FGF14: variants seen among roughly 807,000 people sequenced by gnomAD.
FGF14 encodes the protein fibroblast growth factor homologous factor 4.
Under a neutral mutation model 25.5 loss-of-function variants are expected in FGF14, and 5 were observed. The ratio of observed to expected loss-of-function variants is 0.20; its 90% CI spans 0.10 to 0.41. The LOEUF is 0.41. FGF14 is among the 10% of genes least tolerant of loss of function. The probability of loss-of-function intolerance (pLI) is 1.00; values close to 1 mark genes in which losing one functional copy is unlikely to be tolerated. For synonymous variants in FGF14, 138 were observed against 118.3 expected (o/e 1.17, Z -1.08); for missense variants, 222 against 320.1 (o/e 0.69, Z 2.34).
At chr13:102,200,879 G>A (rs2049592158) in intron 1 of FGF14, among the ~76,000 whole-genome samples, 1 of 151,934 alleles carries the variant, frequency 6.6e-6, no homozygotes, top group Non-Finnish European at 1.5e-5. Context: ...AAGGCGGGCG[G>A]ATCATGAGGT....
intron 1 of FGF14, among the ~76,000 whole-genome samples, chr13:102,109,911 C>T (rs945635390): frequency 7.9e-5 from 12 of 152,118 alleles, no homozygotes; most frequent in African/African-American, 2.9e-4. Flanking sequence ...TGAGCCACCA[C>T]AGCCAGATGG....
chr13:102,227,272 G>C (rs1417164639), intron 1 of FGF14, among the ~76,000 whole-genome samples: 2 of 151,958 alleles, frequency 1.3e-5, no homozygotes. Flanking sequence ...CTTTTTCTCA[G>C]TTTGGAATGT....
chr13:101,938,140 G>A (rs2035223365), intron 1 of FGF14, among the ~76,000 whole-genome samples: 1 of 152,212 alleles, frequency 6.6e-6, no homozygotes, highest in Non-Finnish European at 1.5e-5. Flanking sequence ...ATTGACATCA[G>A]TGGGGGTCGG....
chr13:102,402,331 T>A (rs2058716137), upstream of FGF14: 1 of 152,324 alleles, frequency 6.6e-6, no homozygotes, highest in Non-Finnish European at 1.5e-5. Context: ...ACAAATCCCC[T>A]TCCTCCTTCC....
At chr13:101,737,788 A>C (rs1427401294) in intron 3 of FGF14, among the ~76,000 whole-genome samples, 2 of 152,126 alleles carry the variant, frequency 1.3e-5, no homozygotes, top group Non-Finnish European at 2.9e-5. Context: ...AGATTTTTCT[A>C]CTTTTTTCTC....
intron 3 of FGF14, among the ~76,000 whole-genome samples, chr13:101,835,255 T>TAG (rs377416797): frequency 1.4e-4 from 21 of 150,754 alleles, no homozygotes; most frequent in African/African-American, 4.1e-4. Context: ...GAGACTGAAA[T>TAG]AGAGAGAGAG....
At chr13:102,184,607 G>A (rs767318628) in intron 1 of FGF14, among the ~76,000 whole-genome samples, 2 of 152,174 alleles carry the variant, frequency 1.3e-5, no homozygotes, top group South Asian at 2.1e-4. Flanking sequence ...AATACGAGCA[G>A]TAATAGTTCA....
intron 1 of FGF14, among the ~76,000 whole-genome samples, chr13:101,976,288 G>A (rs1315535182): frequency 6.6e-6 from 1 of 151,944 alleles, no homozygotes; most frequent in Non-Finnish European, 1.5e-5. Context: ...TATTTCAGAA[G>A]GAATATATAA....
chr13:102,305,483 T>G (rs1286099538), intron 1 of FGF14, among the ~76,000 whole-genome samples: 1 of 152,108 alleles, frequency 6.6e-6, no homozygotes, highest in Non-Finnish European at 1.5e-5. Context: ...CAGGGTGTGA[T>G]TATGAAAGAA....
intron 1 of FGF14, among the ~76,000 whole-genome samples, chr13:102,200,369 G>A (rs529079755): frequency 6.6e-6 from 1 of 152,190 alleles, no homozygotes; most frequent in African/African-American, 2.4e-5. Context: ...TGTATATTTT[G>A]CTTCCTCAAC....
At chr13:102,390,763 T>A (rs943616806) in intron 1 of FGF14, among the ~76,000 whole-genome samples, 5 of 152,178 alleles carry the variant, frequency 3.3e-5, no homozygotes, top group African/African-American at 4.8e-5. Flanking sequence ...AACACAGGAT[T>A]CAAAATAATT....
At chr13:102,131,042 C>A (rs1253187856) in intron 1 of FGF14, among the ~76,000 whole-genome samples, 1 of 152,138 alleles carries the variant, frequency 6.6e-6, no homozygotes, top group Non-Finnish European at 1.5e-5. Flanking sequence ...GTCAACACAC[C>A]TAAAGAGTGT....
At chr13:102,001,546 CATTCTAAGA>C (rs1432437967) in intron 1 of FGF14, among the ~76,000 whole-genome samples, 1 of 152,206 alleles carries the variant, frequency 6.6e-6, no homozygotes, top group Non-Finnish European at 1.5e-5. Context: ...GTCCACTGCC[CATTCTAAGA>C]ACATGGGTGT....
chr13:101,878,894 G>A (rs2045545947), intron 1 of FGF14, among the ~76,000 whole-genome samples: 1 of 151,816 alleles, frequency 6.6e-6, no homozygotes, highest in Admixed American at 6.6e-5. Flanking sequence ...TCAATAAACT[G>A]ATAGAATAAG....
intron 1 of FGF14, among the ~76,000 whole-genome samples, chr13:102,030,401 G>C (rs556232257): frequency 6.6e-6 from 1 of 150,912 alleles, no homozygotes; most frequent in East Asian, 2.0e-4. Flanking sequence ...GAGTATCATT[G>C]CTGTGAAATA....
intron 1 of FGF14, among the ~76,000 whole-genome samples, chr13:102,146,988 A>G (rs568962871): frequency 6.6e-6 from 1 of 152,328 alleles, no homozygotes; most frequent in East Asian, 1.9e-4. Flanking sequence ...CTATATTATG[A>G]CATCAAAAGA....
chr13:101,981,855 C>A (rs2038288002), intron 1 of FGF14, among the ~76,000 whole-genome samples: 2 of 152,176 alleles, frequency 1.3e-5, no homozygotes, highest in South Asian at 2.1e-4. Flanking sequence ...TCAGCTCCAC[C>A]TTTAGCTAAG....
intron 1 of FGF14, among the ~76,000 whole-genome samples, chr13:102,024,760 G>T (rs2040840087): frequency 6.6e-6 from 1 of 151,718 alleles, no homozygotes; most frequent in South Asian, 2.1e-4. Flanking sequence ...TTCAATTTTT[G>T]TATATGGTGT....
intron 1 of FGF14, among the ~76,000 whole-genome samples, chr13:102,265,385 T>A (rs976095978): frequency 6.6e-6 from 1 of 152,182 alleles, no homozygotes; most frequent in East Asian, 1.9e-4. Context: ...GACACACTGA[T>A]ATGCACTGTT....
Sources: allele counts gnomAD v4.1 joint callset (sites outside exome capture counted in the v4.1 genomes callset), GRCh38; gene constraint gnomAD v4.1.1; transcripts MANE v1.5; gene names NCBI Gene and HGNC (gene_info 2026-07-23, HGNC 2026-07-21).